MAMDC2: variants seen among roughly 807,000 people sequenced by gnomAD.
MAMDC2 encodes MAM domain containing 2.
A neutral mutation model predicts 89.8 loss-of-function variants in MAMDC2; 57 were observed. The ratio of observed to expected loss-of-function variants is 0.63; its 90% CI spans 0.51 to 0.79. The LOEUF is 0.79. Ranked by LOEUF, MAMDC2 falls within the 30% of genes least tolerant of loss-of-function variation. The pLI is 0.00. For synonymous variants in MAMDC2, 313 were observed against 293.4 expected (o/e 1.07, Z -0.68); for missense variants, 800 against 820.6 (o/e 0.97, Z 0.31).
chr9:70,178,835 G>A (rs2032569652), intron 11 of MAMDC2, among the ~76,000 whole-genome samples: 1 of 152,184 alleles, frequency 6.6e-6, no homozygotes, highest in Non-Finnish European at 1.5e-5. Context: ...CTGAGTGTGA[G>A]TTCATCAAGA....
intron 11 of MAMDC2, among the ~76,000 whole-genome samples, chr9:70,199,007 TAA>T (rs1162436924): frequency 6.6e-6 from 1 of 152,056 alleles, no homozygotes; most frequent in African/African-American, 2.4e-5. Flanking sequence ...TCCAGATTAT[TAA>T]AGTCTCCTAT....
chr9:70,047,635 C>T (rs1360438024), intron 2 of MAMDC2, among the ~76,000 whole-genome samples: 1 of 152,196 alleles, frequency 6.6e-6, no homozygotes, highest in African/African-American at 2.4e-5. Context: ...CATGTCTTTG[C>T]TATTGTAAAT....
chr9:70,052,473 AG>A (rs1278572617), intron 2 of MAMDC2, among the ~76,000 whole-genome samples: 2 of 152,126 alleles, frequency 1.3e-5, no homozygotes, highest in African/African-American at 2.4e-5. Flanking sequence ...CTATGCTTTA[AG>A]GTCCAGCTTT....
chr9:70,110,138 G>A (rs1220225712), intron 4 of MAMDC2, among the ~76,000 whole-genome samples: 1 of 152,174 alleles, frequency 6.6e-6, no homozygotes, highest in Non-Finnish European at 1.5e-5. Flanking sequence ...TGTAGCATGT[G>A]CCAGAAAAGC....
At position 70,126,148 on chromosome 9, in the gene MAMDC2, G is replaced by T; in HGVS notation, c.644-11G>T. ...ACTCTTAACACTGTGCTCTGTCTGTGTGATTTTCAGGCCACTACATGTACG... is the reference window on the plus strand; with the variant it reads ...ACTCTTAACACTGTGCTCTGTCTGTTTGATTTTCAGGCCACTACATGTACG... On this transcript the variant is annotated splice_polypyrimidine_tract_variant and intron_variant, in intron 5 of 13. Transcript: ENST00000377182. 1 of 1,603,340 alleles carries T rather than the reference G, an allele frequency of 6.2e-7. No homozygotes were observed. Among genetic ancestry groups the T allele is most frequent in the Non-Finnish European group, 8.5e-7 (1 of 1,173,148 alleles).
At chr9:70,113,906 G>A (rs4744977) in intron 5 of MAMDC2, 97,956 of 151,356 alleles carry the variant, frequency 0.65, 32,125 homozygotes, top group Admixed American at 0.7. Flanking sequence ...GTTGCAAACA[G>A]TTAACTTTTT....
chr9:70,214,911 C>T (rs1927094), intron 11 of MAMDC2, among the ~76,000 whole-genome samples: 139,218 of 152,222 alleles, frequency 0.91, 63,817 homozygotes, highest in East Asian at 0.98. Context: ...TTTGAATATG[C>T]TCAGTGTGAG....
At chr9:70,098,446 G>A (rs1428908227) in intron 2 of MAMDC2, among the ~76,000 whole-genome samples, 2 of 152,320 alleles carry the variant, frequency 1.3e-5, no homozygotes, top group East Asian at 3.9e-4. Context: ...GTGGGGAGGT[G>A]CACTATAGAT....
At chr9:70,190,918 T>A (rs894163695) in intron 11 of MAMDC2, among the ~76,000 whole-genome samples, 1 of 152,168 alleles carries the variant, frequency 6.6e-6, no homozygotes, top group South Asian at 2.1e-4. Context: ...ATGGGGCTTT[T>A]AGGGAGCTCC....
At chr9:70,118,807 A>G (rs139619285) in intron 5 of MAMDC2, among the ~76,000 whole-genome samples, 1 of 152,354 alleles carries the variant, frequency 6.6e-6, no homozygotes, top group East Asian at 1.9e-4. Flanking sequence ...AAGTCTTCCC[A>G]GGAGAGTGCT....
At chr9:70,225,677 G>A in intron 12 of MAMDC2, 73 bp from the exon 13 acceptor site, 15 of 922,166 alleles carry the variant, frequency 1.6e-5, no homozygotes, top group Non-Finnish European at 2.6e-5. Context: ...TATTTACAAA[G>A]CCTGGATCTG....
chr9:70,213,328 G>A (rs1230202373), intron 11 of MAMDC2, among the ~76,000 whole-genome samples: 1 of 152,118 alleles, frequency 6.6e-6, no homozygotes, highest in African/African-American at 2.4e-5. Flanking sequence ...TTCATCTATA[G>A]CTAAGGTCCT....
intron 5 of MAMDC2, among the ~76,000 whole-genome samples, chr9:70,119,821 C>T (rs116264132): frequency 0.012 from 1,883 of 152,276 alleles, 39 homozygotes; most frequent in African/African-American, 0.043. Flanking sequence ...GGGGATGGAA[C>T]AGAAAGGCAA....
At chr9:70,215,367 G>T (rs1488218737) in intron 11 of MAMDC2, among the ~76,000 whole-genome samples, 1 of 152,120 alleles carries the variant, frequency 6.6e-6, no homozygotes, top group African/African-American at 2.4e-5. Context: ...TATTATTTTT[G>T]AGCAGATCAT....
intron 2 of MAMDC2, among the ~76,000 whole-genome samples, chr9:70,102,859 G>A (rs1400494498): frequency 6.6e-6 from 1 of 152,150 alleles, no homozygotes; most frequent in African/African-American, 2.4e-5. Context: ...CTCCAACACT[G>A]CGGTTGGTAA....
At chr9:70,118,142 T>C (rs2030092355) in intron 5 of MAMDC2, among the ~76,000 whole-genome samples, 1 of 152,126 alleles carries the variant, frequency 6.6e-6, no homozygotes, top group South Asian at 2.1e-4. Flanking sequence ...TATGTGATCA[T>C]GGCAGAGGAA....
chr9:70,131,437 C>A, intron 6 of MAMDC2, 82 bp from the exon 7 acceptor site: 1 of 915,384 alleles, frequency 1.1e-6, no homozygotes, highest in Non-Finnish European at 1.7e-6. Flanking sequence ...GTTTGATTGA[C>A]ATGTCATTTT....
At chr9:70,184,593 T>C (rs1478527328) in intron 11 of MAMDC2, among the ~76,000 whole-genome samples, 1 of 152,084 alleles carries the variant, frequency 6.6e-6, no homozygotes, top group Non-Finnish European at 1.5e-5. Flanking sequence ...TCATTTTTTT[T>C]CTCTAATCTT....
At chr9:70,156,664 C>T (rs1587523792) in intron 9 of MAMDC2, among the ~76,000 whole-genome samples, 3 of 152,298 alleles carry the variant, frequency 2.0e-5, no homozygotes, top group African/African-American at 2.4e-5. Flanking sequence ...GAAAATTATA[C>T]TGTCAAGTGG....
Sources: allele counts gnomAD v4.1 joint callset (sites outside exome capture counted in the v4.1 genomes callset), GRCh38; gene constraint gnomAD v4.1.1; transcripts MANE v1.5; gene names NCBI Gene and HGNC (gene_info 2026-07-23, HGNC 2026-07-21).